NFATC2: variants seen among roughly 807,000 people sequenced by gnomAD.
The protein encoded by NFATC2 is nuclear factor of activated T-cells, cytoplasmic 2.
Under a neutral mutation model 87.3 loss-of-function variants are expected in NFATC2, and 22 were observed. The observed-to-expected ratio is 0.25, with a 90% CI of 0.18 to 0.36. The LOEUF (loss-of-function observed/expected upper bound fraction) is 0.36. Ranked by LOEUF, NFATC2 falls within the 10% of genes least tolerant of loss-of-function variation. The pLI, the probability that NFATC2 is intolerant of heterozygous loss-of-function variation, is 1.00. For synonymous variants in NFATC2, 565 were observed against 542.2 expected (o/e 1.04, Z -0.58); for missense variants, 1,149 against 1,259.1 (o/e 0.91, Z 1.32).
intron 1 of NFATC2, among the ~76,000 whole-genome samples, chr20:51,560,425 C>G (rs911549441): frequency 4.6e-5 from 7 of 152,164 alleles, no homozygotes; most frequent in Non-Finnish European, 8.8e-5. Flanking sequence ...TCAGATAAAA[C>G]TGAACACACC....
intron 6 of NFATC2, among the ~76,000 whole-genome samples, chr20:51,444,834 G>T (rs1317195139): frequency 6.6e-6 from 1 of 152,138 alleles, no homozygotes; most frequent in Non-Finnish European, 1.5e-5. Context: ...TGGGGTGGGG[G>T]AGATTCAGGA....
intron 6 of NFATC2, among the ~76,000 whole-genome samples, chr20:51,443,217 C>A (rs915873057): frequency 6.6e-6 from 1 of 152,168 alleles, no homozygotes; most frequent in Non-Finnish European, 1.5e-5. Flanking sequence ...CTCCTCCCTT[C>A]CAGCCTGAAA....
intron 3 of NFATC2, among the ~76,000 whole-genome samples, chr20:51,503,461 C>A (rs377585354): frequency 7.2e-5 from 11 of 152,320 alleles, no homozygotes; most frequent in African/African-American, 2.6e-4. Context: ...GGCTGGAGGG[C>A]AAGGGTCAGG....
chr20:51,474,731 T>C (rs1391456787), intron 4 of NFATC2, among the ~76,000 whole-genome samples: 7 of 152,180 alleles, frequency 4.6e-5, no homozygotes. Context: ...TTTGAATTTA[T>C]TTTCCCATCC....
At chr20:51,430,605 C>T (rs764055413) in intron 9 of NFATC2, among the ~76,000 whole-genome samples, 1 of 152,148 alleles carries the variant, frequency 6.6e-6, no homozygotes, top group Non-Finnish European at 1.5e-5. Context: ...GAGGTCTTTG[C>T]TTGGTGAATT....
At chr20:51,454,186 C>T (rs546264791) in intron 6 of NFATC2, among the ~76,000 whole-genome samples, 4 of 152,126 alleles carry the variant, frequency 2.6e-5, no homozygotes, top group Admixed American at 6.6e-5. Flanking sequence ...CCCAAGATAT[C>T]CAGGGCCAGA....
intron 1 of NFATC2, among the ~76,000 whole-genome samples, chr20:51,529,867 T>G (rs1333015362): frequency 6.6e-6 from 1 of 152,070 alleles, no homozygotes; most frequent in African/African-American, 2.4e-5. Context: ...CTTACTAAAT[T>G]CAAGCAAGAC....
At chr20:51,490,954 C>A (rs2075871970) in intron 3 of NFATC2, among the ~76,000 whole-genome samples, 1 of 152,150 alleles carries the variant, frequency 6.6e-6, no homozygotes, top group Non-Finnish European at 1.5e-5. Flanking sequence ...TGGGAAGCCA[C>A]CATCTCCAAA....
chr20:51,457,634 C>CAGAGTCTAATCCAGCTGCCTGG (rs34060437), intron 5 of NFATC2, among the ~76,000 whole-genome samples: 2 of 151,186 alleles, frequency 1.3e-5, no homozygotes, highest in Non-Finnish European at 2.9e-5. Context: ...AAAGAGAAAA[C>CAGAGTCTAATCCAGCTGCCTGG]ACGCCTTTAG....
chr20:51,542,173 G>A (rs1218141797), intron 1 of NFATC2, among the ~76,000 whole-genome samples, 197 bp downstream of exon 1: 1 of 152,146 alleles, frequency 6.6e-6, no homozygotes, highest in African/African-American at 2.4e-5. Flanking sequence ...CCCCTAAGGG[G>A]CAAGAGGGAG....
intron 8 of NFATC2, among the ~76,000 whole-genome samples, chr20:51,433,758 C>CGT (rs1568971612): frequency 1.2e-3 from 110 of 89,012 alleles, no homozygotes; most frequent in African/African-American, 4.1e-3. Flanking sequence ...TTCATGCATG[C>CGT]ATGTGTGTGT....
intron 9 of NFATC2, 139 bp from the exon 10 acceptor site, chr20:51,398,869 C>CTGCAACATCTTAGCA (rs1177499796): frequency 7.8e-6 from 5 of 642,398 alleles, no homozygotes; most frequent in Non-Finnish European, 1.4e-5. Context: ...AGCCAGAATT[C>CTGCAACATCTTAGCA]TGCAACATCT....
At chr20:51,482,038 T>C (rs568356403) in intron 3 of NFATC2, among the ~76,000 whole-genome samples, 23 of 152,264 alleles carry the variant, frequency 1.5e-4, no homozygotes, top group African/African-American at 5.3e-4. Flanking sequence ...AGTGATCAGG[T>C]GGCAACAGCC....
intron 1 of NFATC2, among the ~76,000 whole-genome samples, chr20:51,550,781 A>G (rs929762439): frequency 6.6e-6 from 1 of 152,190 alleles, no homozygotes; most frequent in Non-Finnish European, 1.5e-5. Flanking sequence ...TATCTTCTGT[A>G]ATTTATTGAA....
intron 5 of NFATC2, among the ~76,000 whole-genome samples, chr20:51,457,587 CT>C (rs879432451): frequency 1.2e-3 from 134 of 108,206 alleles, no homozygotes; most frequent in Admixed American, 1.8e-3. Context: ...TGAAGGAAAA[CT>C]TTTTTTTTTT....
At chr20:51,485,923 T>C (rs780906446) in intron 3 of NFATC2, among the ~76,000 whole-genome samples, 10 of 152,198 alleles carry the variant, frequency 6.6e-5, no homozygotes, top group Non-Finnish European at 1.2e-4. Context: ...GAAGGTTGTC[T>C]TTCAGTGCTA....
chr20:51,473,852 T>C (rs1988460673), intron 5 of NFATC2, 128 bp downstream of exon 5: 1 of 907,968 alleles, frequency 1.1e-6, no homozygotes, highest in African/African-American at 1.7e-5. Flanking sequence ...TGGGCCAGTG[T>C]AACCCTGTGG....
chr20:51,412,736 T>A (rs904841269), intron 9 of NFATC2, among the ~76,000 whole-genome samples: 5 of 151,780 alleles, frequency 3.3e-5, no homozygotes, highest in African/African-American at 4.8e-5. Flanking sequence ...GGGGATGCTA[T>A]CTTCGGGAGG....
intron 5 of NFATC2, among the ~76,000 whole-genome samples, chr20:51,465,157 G>A (rs539864921): frequency 4.6e-5 from 7 of 152,284 alleles, no homozygotes; most frequent in Admixed American, 3.9e-4. Context: ...GGAGGCCAAG[G>A]CAGGTGGATC....
Sources: allele counts gnomAD v4.1 joint callset (sites outside exome capture counted in the v4.1 genomes callset), GRCh38; gene constraint gnomAD v4.1.1; transcripts MANE v1.5; gene names NCBI Gene and HGNC (gene_info 2026-07-23, HGNC 2026-07-21).